Variants in CYP2C19 observed in about 807,000 individuals in gnomAD.
The protein encoded by CYP2C19 is cytochrome P450 family 2 subfamily C member 19, also known as cytochrome P450 2C19.
In CYP2C19, 59 loss-of-function variants were observed where a neutral mutation model predicts 40.9. The observed-to-expected ratio is 1.44, with a 90% CI of 1.17 to 1.79. CYP2C19 has a LOEUF of 1.79. CYP2C19 is among the 40% of genes most tolerant of loss of function. The pLI is 0.00. For missense variants in CYP2C19, 754 were observed against 596.9 expected, an observed-to-expected ratio of 1.26 and a Z score of -2.74; for synonymous variants, 253 against 208.7, an observed-to-expected ratio of 1.21 and a Z score of -1.83.
chr10:94,780,646 C>T lies in CYP2C19; in HGVS notation c.629C>T (p.Thr210Ile). Reference protein sequence around the residue: ...KLNENIRIVSTPWIQICNNFP... With the variant: ...KLNENIRIVSIPWIQICNNFP... ...AATGAAAACATCAGGATTGTAAGCACCCCCTGGATCCAGGTAAGGCCAAGT... is the reference window on the plus strand; with the variant it reads ...AATGAAAACATCAGGATTGTAAGCATCCCCTGGATCCAGGTAAGGCCAAGT... The change falls in exon 4 of 9, where the codon ACC becomes ATC. Residue 210 changes from threonine to isoleucine, a missense_variant. Transcript: ENST00000371321. 6.2e-7 allele frequency: 1 copy of T among 1,613,582 alleles called. No individual in the cohort carries two copies. The highest frequency in any genetic ancestry group is 8.5e-7 in the Non-Finnish European group (1 of 1,179,774).
chr10:94,840,962 G>A (rs1196421525), intron 6 of CYP2C19, among the ~76,000 whole-genome samples: 1 of 152,196 alleles, frequency 6.6e-6, no homozygotes, highest in African/African-American at 2.4e-5. Context: ...TAGTGAAAGT[G>A]GTCCAATATT....
At chr10:94,772,840 G>A (rs1451864986) in intron 1 of CYP2C19, among the ~76,000 whole-genome samples, 2 of 152,194 alleles carry the variant, frequency 1.3e-5, no homozygotes, top group African/African-American at 4.8e-5. Flanking sequence ...GGACTGCAGT[G>A]GCGCAACCTT....
At chr10:94,821,189 A>G (rs1849116092) in intron 6 of CYP2C19, among the ~76,000 whole-genome samples, 1 of 152,216 alleles carries the variant, frequency 6.6e-6, no homozygotes, top group Non-Finnish European at 1.5e-5. Context: ...TTCAAAAGCA[A>G]TAGAGCTCTG....
At chr10:94,828,346 C>T (rs1343333364) in intron 6 of CYP2C19, among the ~76,000 whole-genome samples, 1 of 151,592 alleles carries the variant, frequency 6.6e-6, no homozygotes, top group African/African-American at 2.4e-5. Context: ...TCTTGGTGCT[C>T]CTGTATTGGG....
intron 5 of CYP2C19, among the ~76,000 whole-genome samples, chr10:94,809,915 C>T (rs994613571): frequency 6.6e-6 from 1 of 151,810 alleles, no homozygotes; most frequent in Non-Finnish European, 1.5e-5. Flanking sequence ...AGAGTCTTGC[C>T]CTGTCACCCA....
chr10:94,783,686 A>C (rs1329097632), intron 5 of CYP2C19, among the ~76,000 whole-genome samples: 1 of 152,054 alleles, frequency 6.6e-6, no homozygotes, highest in Non-Finnish European at 1.5e-5. Flanking sequence ...ACCATCTTGA[A>C]GTCTTAATTA....
At chr10:94,772,352 A>G (rs1848344996) in intron 1 of CYP2C19, among the ~76,000 whole-genome samples, 1 of 152,134 alleles carries the variant, frequency 6.6e-6, no homozygotes, top group African/African-American at 2.4e-5. Flanking sequence ...AAAGAAGGTA[A>G]CAGAGTCCTG....
chr10:94,820,465 T>G (rs1443617629), intron 5 of CYP2C19, 31 bp from the exon 6 acceptor site: 22 of 1,612,494 alleles, frequency 1.4e-5, no homozygotes, highest in Non-Finnish European at 1.8e-5. Flanking sequence ...GTTAAATAAT[T>G]TGTCAGATAA....
intron 3 of CYP2C19, chr10:94,776,347 T>C (rs1013080147): frequency 2.6e-5 from 4 of 152,316 alleles, no homozygotes; most frequent in South Asian, 2.1e-4. Flanking sequence ...ATCATATTTA[T>C]GAAATTTTGG....
intron 5 of CYP2C19, among the ~76,000 whole-genome samples, chr10:94,806,582 C>G (rs1288127643): frequency 6.7e-6 from 1 of 149,054 alleles, no homozygotes; most frequent in Non-Finnish European, 1.5e-5. Flanking sequence ...GTTTTCTTAG[C>G]CTTTATTTAT....
chr10:94,848,422 G>A (rs1009860588), intron 7 of CYP2C19, among the ~76,000 whole-genome samples: 3 of 152,128 alleles, frequency 2.0e-5, no homozygotes, highest in African/African-American at 7.2e-5. Flanking sequence ...GCTCTGTTCT[G>A]TTCCATTGGT....
intron 5 of CYP2C19, among the ~76,000 whole-genome samples, chr10:94,818,772 A>G (rs1022659339): frequency 6.7e-4 from 100 of 150,144 alleles, no homozygotes; most frequent in African/African-American, 2.3e-3. Flanking sequence ...GTTGCTTATC[A>G]GCTTAAGGAG....
intron 3 of CYP2C19, among the ~76,000 whole-genome samples, chr10:94,779,571 T>TTTTCTTTTG (rs1564662667): frequency 1.1e-3 from 3 of 2,748 alleles, no homozygotes; most frequent in Non-Finnish European, 5.9e-3. Context: ...CTTTTCTTTT[T>TTTTCTTTTG]TTTTTTTTGA....
At chr10:94,840,314 T>C (rs554080912) in intron 6 of CYP2C19, among the ~76,000 whole-genome samples, 3 of 151,470 alleles carry the variant, frequency 2.0e-5, no homozygotes, top group East Asian at 3.9e-4. Flanking sequence ...CTCTCTCTCT[T>C]AGCCATTACA....
At chr10:94,788,559 T>C (rs67120915) in intron 5 of CYP2C19, among the ~76,000 whole-genome samples, 26,810 of 152,050 alleles carry the variant, frequency 0.18, 2,635 homozygotes, top group South Asian at 0.33. Flanking sequence ...CCATGTGTTC[T>C]CATTGTTCAT....
intron 5 of CYP2C19, among the ~76,000 whole-genome samples, chr10:94,803,989 A>G (rs1848800376): frequency 6.6e-6 from 1 of 151,846 alleles, no homozygotes; most frequent in African/African-American, 2.4e-5. Context: ...CAGGTGAGAA[A>G]TGCTCTAAAT....
At chr10:94,801,004 G>A (rs543672924) in intron 5 of CYP2C19, among the ~76,000 whole-genome samples, 53 of 152,236 alleles carry the variant, frequency 3.5e-4, no homozygotes, top group African/African-American at 1.0e-3. Flanking sequence ...CCCTTCTTCA[G>A]CTCACCCTCC....
At chr10:94,763,755 C>A (rs577345260) in intron 1 of CYP2C19, among the ~76,000 whole-genome samples, 37 of 151,976 alleles carry the variant, frequency 2.4e-4, no homozygotes, top group Middle Eastern at 3.4e-3. Flanking sequence ...TTGAAGGCCC[C>A]GTGTTATTAG....
chr10:94,840,959 A>AGTG (rs1458827176), intron 6 of CYP2C19, among the ~76,000 whole-genome samples: 2 of 152,232 alleles, frequency 1.3e-5, no homozygotes, highest in Non-Finnish European at 2.9e-5. Flanking sequence ...AGCTAGTGAA[A>AGTG]GTGGTCCAAT....
Sources: allele counts gnomAD v4.1 joint callset (sites outside exome capture counted in the v4.1 genomes callset), GRCh38; gene constraint gnomAD v4.1.1; transcripts MANE v1.5; gene names NCBI Gene and HGNC (gene_info 2026-07-23, HGNC 2026-07-21).